Variants in OARD1 observed in about 807,000 individuals in gnomAD.
OARD1 encodes the protein ADP-ribose glycohydrolase OARD1.
OARD1 carries 19 observed loss-of-function variants against 19.7 expected under a neutral mutation model. That is an observed-to-expected ratio of 0.96 (90% CI 0.67 to 1.41). OARD1 has a LOEUF of 1.41. Among genes scored for constraint, OARD1 ranks in the 40% most tolerant of loss-of-function variants. OARD1 has a pLI of 0.00. For missense variants in OARD1, 190 were observed against 183.8 expected, an observed-to-expected ratio of 1.03 and a Z score of -0.20; for synonymous variants, 70 against 61.8, an observed-to-expected ratio of 1.13 and a Z score of -0.62.
In OARD1 at chr6:41,071,005, GGGA is replaced by G. The variant is rs746256398; in HGVS notation, c.184+124_184+126del. ...ACGTCTAAACTAGAGGCCATTCTTGGGGAGGAAAATCTTAAAAACATTTGGTTC... is the reference window on the plus strand; with the variant it reads ...ACGTCTAAACTAGAGGCCATTCTTGGGGAAAATCTTAAAAACATTTGGTTC... On this transcript the variant is annotated intron_variant, in intron 3 of 5. Transcript: ENST00000424266. 23 of 986,318 alleles carry G rather than the reference GGGA, an allele frequency of 2.3e-5. No homozygotes were observed. The African/African-American group carries it at 3.2e-4, about 14-fold the overall frequency. The allele number at this position is 986,318 out of a possible 1,614,324, so 61.1% of individuals were successfully genotyped here. A position where few individuals can be genotyped will look rare whatever the true frequency, so the allele number is the denominator to read the frequency against.
chr6:41,070,126 A>T lies in OARD1; in HGVS notation c.193T>A (p.Ser65Thr), dbSNP rs1561843244. 6.4e-7 allele frequency: 1 copy of T among 1,563,246 alleles called. No homozygotes were observed. The highest frequency in any genetic ancestry group is 8.8e-7 in the Non-Finnish European group (1 of 1,140,514). ...CTCTTCAGAACAGCCACTTCTCCAGATTTCTTTTCTAAGAAAAAGTTATTT... is the reference window on the plus strand; with the variant it reads ...CTCTTCAGAACAGCCACTTCTCCAGTTTTCTTTTCTAAGAAAAAGTTATTT... Reference protein sequence around the residue: ...VQELLNQQKKSGEVAVLKRDG... With the variant: ...VQELLNQQKKTGEVAVLKRDG... The change falls in exon 4 of 6, where the codon TCT becomes ACT. Residue 65 changes from serine to threonine, a missense_variant. Transcript: ENST00000424266.
chr6:41,097,509 C>A, intron 1 of OARD1: 2 of 1,288,506 alleles, frequency 1.6e-6, no homozygotes, highest in Non-Finnish European at 2.2e-6. Flanking sequence ...ACATTCTGCC[C>A]TTTACTACAG....
At chr6:41,096,037 C>T (rs1032867380) in intron 1 of OARD1, among the ~76,000 whole-genome samples, 3 of 152,124 alleles carry the variant, frequency 2.0e-5, no homozygotes, top group Non-Finnish European at 4.4e-5. Flanking sequence ...AATTAATCTC[C>T]AGTCTCCTCT....
At chr6:41,092,794 C>T (rs2113818285) in intron 1 of OARD1, 1 of 962,584 alleles carries the variant, frequency 1.0e-6, no homozygotes, top group South Asian at 1.7e-5. Context: ...TACCCAAGTA[C>T]CCTATAAAAA....
intron 1 of OARD1, among the ~76,000 whole-genome samples, chr6:41,092,448 A>G (rs557059846): frequency 1.3e-5 from 2 of 152,360 alleles, no homozygotes; most frequent in African/African-American, 2.4e-5. Context: ...GCTGTGGGGT[A>G]CAGGACTCTG....
chr6:41,089,704 G>A, intron 1 of OARD1: 1 of 1,611,546 alleles, frequency 6.2e-7, no homozygotes, highest in East Asian at 2.2e-5. Flanking sequence ...CTGCTGGCCA[G>A]ACTCAGGTAA....
intron 1 of OARD1, among the ~76,000 whole-genome samples, chr6:41,078,808 G>A (rs978679613): frequency 6.6e-6 from 1 of 152,190 alleles, no homozygotes; most frequent in African/African-American, 2.4e-5. Context: ...AGGTAAGGTT[G>A]CCAGTATACT....
At chr6:41,078,530 A>G (rs937300428) in intron 1 of OARD1, among the ~76,000 whole-genome samples, 1 of 152,340 alleles carries the variant, frequency 6.6e-6, no homozygotes, top group African/African-American at 2.4e-5. Context: ...GTTCTCAGAT[A>G]TCATTCAGTT....
rs906412138 is a variant in OARD1, at chr6:41,070,989, C to T, written c.184+143G>A. 1.6e-5 allele frequency: 13 copies of T among 826,852 alleles called. No individual in the cohort carries two copies. In the African/African-American group the frequency reaches 2.2e-4, roughly 14 times the overall value. 51.2% of individuals were successfully genotyped at this position (826,852 alleles called of 1,614,324 possible). A position where few individuals can be genotyped will look rare whatever the true frequency, so the allele number is the denominator to read the frequency against. ...GGTTTTGATATGGTAAACGTCTAAA[C>T]TAGAGGCCATTCTTGGGGAGGAAAA... On this transcript the variant is annotated intron_variant, in intron 3 of 5. Coordinates refer to ENST00000424266, the MANE Select transcript of OARD1 (RefSeq NM_001329686.2).
intron 1 of OARD1, among the ~76,000 whole-genome samples, chr6:41,091,329 T>C: frequency 6.6e-6 from 1 of 152,204 alleles, no homozygotes; most frequent in Non-Finnish European, 1.5e-5. Context: ...AGACAGTTAA[T>C]AGAATTTCAA....
chr6:41,067,295 G>T lies in OARD1; in HGVS notation c.*40C>A. 3.7e-6 allele frequency: 5 copies of T among 1,355,566 alleles called. No individual in the cohort carries two copies. The highest frequency in any genetic ancestry group is 3.5e-5 in the South Asian group (3 of 84,856). The allele number at this position is 1,355,566 out of a possible 1,614,324, so 84.0% of individuals were successfully genotyped here. On this transcript the variant is annotated 3_prime_UTR_variant, in exon 6 of 6. Transcript: ENST00000424266. ...CCCGGTCCTATGGCCCAGTAGAGATGACACAGGAGAACACGGAAACATCCA... is the reference window on the plus strand; with the variant it reads ...CCCGGTCCTATGGCCCAGTAGAGATTACACAGGAGAACACGGAAACATCCA...
intron 1 of OARD1, chr6:41,079,066 A>G: frequency 6.2e-7 from 1 of 1,611,350 alleles, no homozygotes; most frequent in East Asian, 2.2e-5. Flanking sequence ...TCCAGAGTGG[A>G]CAGGAATCTC....
Position 41,071,163 on chromosome 6 carries a change from T to C in OARD1, c.153A>G (p.Lys51=), listed in dbSNP as rs1265108343. 6.2e-7 allele frequency: 1 copy of C among 1,614,262 alleles called. No individual in the cohort carries two copies. The highest frequency in any genetic ancestry group is 8.5e-7 in the Non-Finnish European group (1 of 1,180,050). The part of the protein sequence containing the change: ...GAGIAVLFKK[K]FGGVQELLNQ... Reference sequence around the variant, plus strand: ...TTAAAAGTTCTTGCACCCCTCCAAATTTCTTCTTAAAGAGGACAGCTATCC... The same window carrying C: ...TTAAAAGTTCTTGCACCCCTCCAAACTTCTTCTTAAAGAGGACAGCTATCC... Residue 51 remains lysine (K), a synonymous_variant, in exon 3 of 6, where the codon AAA becomes AAG. Transcript: ENST00000424266.
upstream of OARD1, among the ~76,000 whole-genome samples, chr6:41,076,620 A>G (rs1380055100): frequency 2.6e-5 from 4 of 152,218 alleles, no homozygotes; most frequent in East Asian, 7.7e-4. Context: ...TGAGAAGAGA[A>G]TGCACTAGGA....
Position 41,067,418 on chromosome 6 carries a change from G to T in OARD1, c.376C>A (p.Arg126Ser). 1 of 1,612,764 alleles carries T rather than the reference G, an allele frequency of 6.2e-7. No homozygotes were observed. The highest frequency in any genetic ancestry group is 8.5e-7 in the Non-Finnish European group (1 of 1,179,026). ...SMPRIGCGLD[R>S]LQWENVSAMI... ...GCAGATACATTTTCCCATTGCAGAC[G>T]ATCAAGACCACATCCAATCCTGAAA... The change falls in exon 6 of 6, where the codon CGT (arginine) becomes AGT (serine). Residue 126 changes from arginine (R) to serine (S), a missense_variant. Physicochemically the swap from Arg to Ser is moderately radical, Grantham distance 110. Transcript: ENST00000424266.
Position 41,090,066 on chromosome 6 carries a change from C to T in OARD1, c.-42+7647G>A, listed in dbSNP as rs145381934. Reference sequence around the variant, plus strand: ...CGGAGGTTGCAGTGAGCTGAGATTGCGCCACTGCACTGCACTCCAGCCTGG... The same window carrying T: ...CGGAGGTTGCAGTGAGCTGAGATTGTGCCACTGCACTGCACTCCAGCCTGG... On this transcript the variant is annotated intron_variant, in intron 1 of 4. Transcript: ENST00000480585. The T allele has an allele frequency of 8.7e-3, 5,007 of 573,866 alleles. 117 individuals are homozygous for T. The highest frequency in any genetic ancestry group is 0.064 in the African/African-American group (3,397 of 53,308). The allele number at this position is 573,866 out of a possible 1,614,324, so 35.5% of individuals were successfully genotyped here.
At chr6:41,074,061 A>G (rs949705484), upstream of OARD1, among the ~76,000 whole-genome samples, 3 of 152,184 alleles carry the variant, frequency 2.0e-5, no homozygotes, top group East Asian at 1.9e-4. Context: ...TCCACTGCTC[A>G]TTTTGTGAAA....
At chr6:41,077,791 G>A (rs1481473336) in intron 1 of OARD1, among the ~76,000 whole-genome samples, 2 of 152,164 alleles carry the variant, frequency 1.3e-5, no homozygotes, top group Non-Finnish European at 2.9e-5. Flanking sequence ...TACCTAGCGA[G>A]CATTCCATTA....
At chr6:41,077,763 A>G (rs1283441319) in intron 1 of OARD1, among the ~76,000 whole-genome samples, 1 of 152,192 alleles carries the variant, frequency 6.6e-6, no homozygotes, top group Non-Finnish European at 1.5e-5. Context: ...ATGTAAATCC[A>G]AATTATAGCT....
Sources: allele counts gnomAD v4.1 joint callset (sites outside exome capture counted in the v4.1 genomes callset), GRCh38; gene constraint gnomAD v4.1.1; transcripts MANE v1.5; gene names NCBI Gene and HGNC (gene_info 2026-07-23, HGNC 2026-07-21).